The following PLD1 variants were observed in gnomAD, a reference collection of about 807,000 sequenced individuals.
The protein encoded by PLD1 is phospholipase D1.
Under a neutral mutation model 137.1 loss-of-function variants are expected in PLD1, and 112 were observed. The observed-to-expected ratio is 0.82, with a 90% CI of 0.70 to 0.96. The LOEUF (loss-of-function observed/expected upper bound fraction) is 0.96, where lower values mean the gene tolerates loss of function less well. Ranked by LOEUF, PLD1 falls within the 40% of genes least tolerant of loss-of-function variation. PLD1 has a pLI of 0.00. For synonymous variants in PLD1, 431 were observed against 454.7 expected (o/e 0.95, Z 0.66); for missense variants, 1,321 against 1,342.0 (o/e 0.98, Z 0.24).
intron 25 of PLD1, among the ~76,000 whole-genome samples, chr3:171,611,173 T>A (rs778946173): frequency 1.3e-5 from 2 of 152,170 alleles, no homozygotes; most frequent in Non-Finnish European, 2.9e-5. Context: ...TATACAGTCC[T>A]CACCAAAATT....
At position 171,699,829 on chromosome 3, in the gene PLD1, G is replaced by C. The variant is rs756228681; in HGVS notation, c.1146-3C>G. The stretch of plus-strand genomic sequence containing the variant: ...TCAGGAAGATTTCTGGACTCAGCCT[G>C]AAACAATGAAACCAAGATTTTAAGT... On this transcript the variant is annotated splice_polypyrimidine_tract_variant and splice_region_variant and intron_variant, in intron 11 of 26. Coordinates refer to ENST00000351298, the MANE Select transcript of PLD1 (RefSeq NM_002662.5). The C allele has an allele frequency of 6.2e-7, 1 of 1,608,236 alleles. No homozygotes were observed. Among genetic ancestry groups the C allele is most frequent in the Non-Finnish European group, 8.5e-7 (1 of 1,175,468 alleles).
intron 19 of PLD1, among the ~76,000 whole-genome samples, chr3:171,672,421 C>T (rs144098693): frequency 9.7e-4 from 148 of 152,200 alleles, no homozygotes; most frequent in African/African-American, 3.4e-3. Context: ...GTCCAGGCCA[C>T]CTGAACATGT....
intron 21 of PLD1, among the ~76,000 whole-genome samples, chr3:171,650,876 C>A (rs929074583): frequency 2.2e-4 from 33 of 151,076 alleles, no homozygotes; most frequent in Admixed American, 5.3e-4. Context: ...TCCAGCAGCC[C>A]GGGCGACAGA....
At chr3:171,642,727 G>A (rs1476155546) in intron 23 of PLD1, 113 bp downstream of exon 23, 2 of 645,484 alleles carry the variant, frequency 3.1e-6, no homozygotes, top group South Asian at 2.0e-5. Context: ...ACATTTTGTG[G>A]GGTACCTTTT....
At chr3:171,663,765 A>G (rs1711789736) in intron 19 of PLD1, among the ~76,000 whole-genome samples, 1 of 152,242 alleles carries the variant, frequency 6.6e-6, no homozygotes, top group Admixed American at 6.5e-5. Context: ...TATAAAAATA[A>G]TACTTGCTAT....
intron 24 of PLD1, among the ~76,000 whole-genome samples, chr3:171,616,139 T>C (rs968875251): frequency 6.6e-6 from 1 of 152,236 alleles, no homozygotes; most frequent in South Asian, 2.1e-4. Context: ...TCCTATACAA[T>C]TTCTTTGCCC....
chr3:171,726,088 C>T lies in PLD1; in HGVS notation c.607-12G>A. 1.3e-6 allele frequency: 2 copies of T among 1,595,556 alleles called. No homozygotes were observed. The highest frequency in any genetic ancestry group is 8.6e-7 in the Non-Finnish European group (1 of 1,163,534). ...TCAAGAAACTCTGTCTGAAAAGAAG[C>T]AAAAAATCCATCTTTAGCAAGCAAA... On this transcript the variant is annotated splice_polypyrimidine_tract_variant and intron_variant, in intron 6 of 26. Coordinates refer to ENST00000351298, the MANE Select transcript of PLD1 (RefSeq NM_002662.5).
chr3:171,620,453 G>A lies in PLD1; in HGVS notation c.2661C>T (p.Asn887=). Residue 887 remains asparagine (N), a synonymous_variant, in exon 24 of 27, where the codon AAC becomes AAT. Transcript: ENST00000351298. ...GLRTHAELEG[N]LVTELIYVHS... ...GGACATAGATAAGCTCAGTTACTAG[G>A]TTTCCTTCGAGCTCTGCATGTGTTC... The A allele has an allele frequency of 1.3e-6, 2 of 1,596,820 alleles. No individual in the cohort carries two copies. Among genetic ancestry groups the A allele is most frequent in the Non-Finnish European group, 1.7e-6 (2 of 1,166,484 alleles).
At chr3:171,788,156 T>G (rs565103310) in intron 1 of PLD1, among the ~76,000 whole-genome samples, 1 of 151,226 alleles carries the variant, frequency 6.6e-6, no homozygotes, top group South Asian at 2.1e-4. Flanking sequence ...ATCGCGTCAT[T>G]GCACTCCAGC....
At position 171,688,879 on chromosome 3, in the gene PLD1, T is replaced by C; in HGVS notation, c.1339-3A>G. ...ACATGATCCGGGTGTCTCATCACCT[T>C]GAGAGGGAATAATCCCCACTGATAA... is the stretch of plus-strand genomic sequence containing the variant. On this transcript the variant is annotated splice_polypyrimidine_tract_variant and splice_region_variant and intron_variant, in intron 13 of 26. Transcript: ENST00000351298. 1 of 1,609,426 alleles carries C rather than the reference T, an allele frequency of 6.2e-7. No homozygotes were observed. The highest frequency in any genetic ancestry group is 8.5e-7 in the Non-Finnish European group (1 of 1,175,894).
intron 9 of PLD1, among the ~76,000 whole-genome samples, chr3:171,710,452 T>C (rs1211682949): frequency 2.0e-5 from 3 of 152,126 alleles, no homozygotes; most frequent in Non-Finnish European, 2.9e-5. Flanking sequence ...CATCAGGAAG[T>C]GATATGATTC....
chr3:171,768,230 T>C (rs1722108865), intron 1 of PLD1, among the ~76,000 whole-genome samples: 1 of 152,102 alleles, frequency 6.6e-6, no homozygotes, highest in Non-Finnish European at 1.5e-5. Context: ...GTTAAGTATT[T>C]ACTGACATTA....
intron 8 of PLD1, among the ~76,000 whole-genome samples, chr3:171,722,910 A>G (rs1578356065): frequency 2.0e-5 from 3 of 152,248 alleles, no homozygotes; most frequent in African/African-American, 7.2e-5. Flanking sequence ...TATGGGGTAT[A>G]TGAGATACTT....
intron 11 of PLD1, among the ~76,000 whole-genome samples, chr3:171,707,326 T>C (rs527526807): frequency 6.6e-6 from 1 of 152,200 alleles, no homozygotes; most frequent in Non-Finnish European, 1.5e-5. Flanking sequence ...AATTTTGGTG[T>C]TCAGACATAA....
In PLD1 at chr3:171,785,830, T is replaced by C. The variant is rs140110427; in HGVS notation, c.-32+24569A>G. Among the ~76,000 whole-genome samples, 59 of 152,354 alleles carry C rather than the reference T, an allele frequency of 3.9e-4. 1 individual carries two copies. The highest frequency in any genetic ancestry group is 1.2e-3 in the African/African-American group (51 of 41,586). On this transcript the variant is annotated intron_variant, in intron 1 of 26. Coordinates refer to ENST00000351298, the MANE Select transcript of PLD1 (RefSeq NM_002662.5). ...CACGTGTGGCTAGGGGACAATATAC[T>C]GGACAGTACAGGTCTAGAACATCCC...
intron 23 of PLD1, among the ~76,000 whole-genome samples, chr3:171,623,192 T>A (rs1013593532): frequency 5.9e-5 from 9 of 151,956 alleles, no homozygotes; most frequent in Non-Finnish European, 1.3e-4. Context: ...AATGTAATGG[T>A]AAAAATGCCA....
intron 19 of PLD1, among the ~76,000 whole-genome samples, chr3:171,670,733 T>C (rs947885148): frequency 2.0e-5 from 3 of 152,242 alleles, no homozygotes; most frequent in African/African-American, 7.2e-5. Context: ...ATGTTTTAAT[T>C]TACTTAGATA....
intron 1 of PLD1, among the ~76,000 whole-genome samples, chr3:171,801,357 T>G (rs921489128): frequency 7.9e-5 from 12 of 152,254 alleles, no homozygotes; most frequent in Non-Finnish European, 1.2e-4. Context: ...CAGTCAAACC[T>G]ACCCCGTGTA....
intron 1 of PLD1, among the ~76,000 whole-genome samples, chr3:171,800,088 T>C (rs1477282468): frequency 6.6e-6 from 1 of 152,256 alleles, no homozygotes; most frequent in Non-Finnish European, 1.5e-5. Context: ...TTATAACAAA[T>C]GTATCATATA....
Sources: allele counts gnomAD v4.1 joint callset (sites outside exome capture counted in the v4.1 genomes callset), GRCh38; gene constraint gnomAD v4.1.1; transcripts MANE v1.5; gene names NCBI Gene and HGNC (gene_info 2026-07-23, HGNC 2026-07-21).